VAV3: variants seen among roughly 807,000 people sequenced by gnomAD.
VAV3 encodes guanine nucleotide exchange factor VAV3.
In VAV3, 94 loss-of-function variants were observed where a neutral mutation model predicts 131.2. The observed-to-expected ratio is 0.72, with a 90% CI of 0.61 to 0.85. The LOEUF is 0.85. Among genes scored for constraint, VAV3 ranks in the 40% least tolerant of loss-of-function variants. The pLI, the probability that VAV3 is intolerant of heterozygous loss-of-function variation, is 0.00. For missense variants in VAV3, 939 were observed against 1,002.7 expected (o/e 0.94, Z 0.86); for synonymous variants, 349 against 342.0 (o/e 1.02, Z -0.22).
At chr1:107,851,304 A>G (rs1047085595) in intron 2 of VAV3, among the ~76,000 whole-genome samples, 1 of 151,910 alleles carries the variant, frequency 6.6e-6, no homozygotes, top group Admixed American at 6.6e-5. Flanking sequence ...ATCTGGCCTT[A>G]AACAAATGTG....
chr1:107,592,214 A>G (rs181698674), intron 25 of VAV3, among the ~76,000 whole-genome samples: 1 of 152,260 alleles, frequency 6.6e-6, no homozygotes, highest in East Asian at 1.9e-4. Context: ...GTTTTAGAGT[A>G]TAGACCAATT....
chr1:107,840,621 C>A (rs1439209552), intron 2 of VAV3, among the ~76,000 whole-genome samples: 1 of 151,952 alleles, frequency 6.6e-6, no homozygotes, highest in Admixed American at 6.6e-5. Flanking sequence ...TCAAAGTTAA[C>A]GTTCTTAACG....
At chr1:107,945,841 A>AG (rs1674234014) in intron 1 of VAV3, among the ~76,000 whole-genome samples, 1 of 74,232 alleles carries the variant, frequency 1.3e-5, no homozygotes, top group African/African-American at 3.7e-5. Flanking sequence ...AAAAAAAGAA[A>AG]GAAAGAAAAG....
At chr1:107,915,485 G>A (rs1413515396) in intron 1 of VAV3, among the ~76,000 whole-genome samples, 1 of 152,108 alleles carries the variant, frequency 6.6e-6, no homozygotes, top group Non-Finnish European at 1.5e-5. Context: ...ACAGAGGCAG[G>A]TCCCAATCCT....
intron 25 of VAV3, among the ~76,000 whole-genome samples, chr1:107,586,254 T>A (rs1198611877): frequency 6.6e-6 from 1 of 151,666 alleles, no homozygotes; most frequent in Non-Finnish European, 1.5e-5. Context: ...TCCATTAGAG[T>A]AGGGAATTTT....
In VAV3 at chr1:107,704,588, A is replaced by C; in HGVS notation, c.1667T>G (p.Leu556Trp). Residue 556 changes from leucine (L) to tryptophan (W), a missense_variant, in exon 17 of 27, where the codon TTG (leucine) becomes TGG (tryptophan). By Grantham distance (61) the Leu-to-Trp change is moderately conservative (BLOSUM62 -2). Coordinates refer to ENST00000370056, the MANE Select transcript of VAV3 (RefSeq NM_006113.5). ...KCGARAHKEC[L>W]GRVDNCGRVN... The stretch of plus-strand genomic sequence containing the variant: ...TCTGCCACAATTGTCTACTCTTCCC[A>C]AACATTCTTTGTGTGCTCTCGCTCC... 1 of 1,613,956 alleles carries C rather than the reference A, an allele frequency of 6.2e-7. No homozygotes were observed. The highest frequency in any genetic ancestry group is 8.5e-7 in the Non-Finnish European group (1 of 1,179,908).
chr1:107,672,799 T>C (rs899118306), intron 19 of VAV3, among the ~76,000 whole-genome samples: 2 of 152,178 alleles, frequency 1.3e-5, no homozygotes, highest in African/African-American at 4.8e-5. Flanking sequence ...AGGAAGTTCA[T>C]ATTATGGTAT....
intron 20 of VAV3, among the ~76,000 whole-genome samples, chr1:107,625,877 C>T (rs1180292524): frequency 6.6e-6 from 1 of 152,174 alleles, no homozygotes; most frequent in Non-Finnish European, 1.5e-5. Flanking sequence ...TCATGGCCCA[C>T]TGAAAGTATT....
At chr1:107,697,904 A>AT (rs1659846872) in intron 17 of VAV3, among the ~76,000 whole-genome samples, 1 of 152,336 alleles carries the variant, frequency 6.6e-6, no homozygotes, top group African/African-American at 2.4e-5. Context: ...AGGCAAGCAC[A>AT]TGATTACTTA....
intron 21 of VAV3, among the ~76,000 whole-genome samples, chr1:107,616,378 T>G (rs1653154428): frequency 6.6e-6 from 1 of 152,016 alleles, no homozygotes; most frequent in African/African-American, 2.4e-5. Context: ...TAAGTGAAAG[T>G]TAAAATTGAG....
At chr1:107,687,897 C>A (rs1659145310) in intron 18 of VAV3, among the ~76,000 whole-genome samples, 1 of 152,086 alleles carries the variant, frequency 6.6e-6, no homozygotes, top group Admixed American at 6.5e-5. Context: ...GGAAATGTTA[C>A]TAGATCTTCA....
intron 2 of VAV3, among the ~76,000 whole-genome samples, chr1:107,863,084 G>A (rs1669816563): frequency 6.6e-6 from 1 of 152,104 alleles, no homozygotes; most frequent in South Asian, 2.1e-4. Flanking sequence ...AAGGGTAAAT[G>A]CCATTAGAAT....
chr1:107,680,908 T>C (rs1239269650), intron 19 of VAV3, among the ~76,000 whole-genome samples: 1 of 152,134 alleles, frequency 6.6e-6, no homozygotes, highest in African/African-American at 2.4e-5. Flanking sequence ...CACTAGACTA[T>C]GCTGTGTTTC....
At chr1:107,682,992 T>C (rs962283806) in intron 19 of VAV3, among the ~76,000 whole-genome samples, 13 of 152,176 alleles carry the variant, frequency 8.5e-5, no homozygotes, top group African/African-American at 2.9e-4. Flanking sequence ...AGACAAATAA[T>C]TGGTCTCCGG....
chr1:107,705,591 C>T (rs1660393689), intron 15 of VAV3, among the ~76,000 whole-genome samples: 1 of 152,108 alleles, frequency 6.6e-6, no homozygotes, highest in Non-Finnish European at 1.5e-5. Context: ...ACTTTACTCA[C>T]AATCTAAGTA....
intron 1 of VAV3, among the ~76,000 whole-genome samples, chr1:107,952,571 C>T (rs1281766516): frequency 2.0e-5 from 3 of 150,432 alleles, no homozygotes; most frequent in Non-Finnish European, 4.4e-5. Context: ...CATTTTGTGA[C>T]ATTAGTGGTA....
At chr1:107,746,340 A>G (rs1213998999) in intron 15 of VAV3, among the ~76,000 whole-genome samples, 1 of 152,188 alleles carries the variant, frequency 6.6e-6, no homozygotes, top group African/African-American at 2.4e-5. Context: ...CTCCAAAAAG[A>G]TACTTCTACC....
intron 2 of VAV3, among the ~76,000 whole-genome samples, chr1:107,806,185 A>C (rs1667053202): frequency 6.6e-6 from 1 of 152,158 alleles, no homozygotes; most frequent in Non-Finnish European, 1.5e-5. Flanking sequence ...TAGGCAGGGC[A>C]GGTCTCCTGT....
At chr1:107,768,862 T>A (rs1309940054) in intron 6 of VAV3, among the ~76,000 whole-genome samples, 1 of 152,174 alleles carries the variant, frequency 6.6e-6, no homozygotes, top group Non-Finnish European at 1.5e-5. Context: ...TCCCAAATGT[T>A]TTGTGGAGAT....
Sources: allele counts gnomAD v4.1 joint callset (sites outside exome capture counted in the v4.1 genomes callset), GRCh38; gene constraint gnomAD v4.1.1; transcripts MANE v1.5; gene names NCBI Gene and HGNC (gene_info 2026-07-23, HGNC 2026-07-21).